TENM2: variants seen among roughly 807,000 people sequenced by gnomAD.
The protein encoded by TENM2 is teneurin-2.
In TENM2, 52 loss-of-function variants were observed where a neutral mutation model predicts 245.2. The ratio of observed to expected loss-of-function variants is 0.21; its 90% CI spans 0.17 to 0.27. TENM2 has a LOEUF of 0.27. Ranked by LOEUF, TENM2 falls within the 10% of genes least tolerant of loss-of-function variation. TENM2 has a pLI of 1.00. For missense variants in TENM2, 3,046 were observed against 3,666.8 expected (o/e 0.83, Z 4.37); for synonymous variants, 1,363 against 1,438.9 (o/e 0.95, Z 1.19).
intron 2 of TENM2, among the ~76,000 whole-genome samples, chr5:167,848,496 C>T (rs1288988815): frequency 6.6e-6 from 1 of 152,134 alleles, no homozygotes; most frequent in Non-Finnish European, 1.5e-5. Context: ...TATATACACA[C>T]ACATATATCT....
chr5:167,594,637 T>C (rs1021883431), intron 2 of TENM2, among the ~76,000 whole-genome samples: 11 of 152,206 alleles, frequency 7.2e-5, no homozygotes, highest in African/African-American at 2.2e-4. Flanking sequence ...AATTGAATGT[T>C]TGTAATGTAA....
At chr5:168,014,383 A>C (rs1218620828) in intron 5 of TENM2, among the ~76,000 whole-genome samples, 1 of 152,044 alleles carries the variant, frequency 6.6e-6, no homozygotes, top group Non-Finnish European at 1.5e-5. Context: ...TTAGTAAGTA[A>C]GAGGGCCAGG....
the TENM2 span, among the ~76,000 whole-genome samples, chr5:167,254,371 C>G: frequency 2.0e-5 from 3 of 152,262 alleles, no homozygotes; most frequent in Middle Eastern, 3.4e-3. Context: ...AGAGAAAGCA[C>G]TCTCCTCCCT....
At chr5:167,122,384 T>A in the TENM2 span, among the ~76,000 whole-genome samples, 1 of 152,192 alleles carries the variant, frequency 6.6e-6, no homozygotes, top group African/African-American at 2.4e-5. Context: ...CTGCCCCATT[T>A]GATATTTGCA....
chr5:167,448,629 C>T (rs189334437), intron 2 of TENM2, among the ~76,000 whole-genome samples: 3 of 150,638 alleles, frequency 2.0e-5, no homozygotes, highest in Admixed American at 1.3e-4. Context: ...TGCTGTCAGC[C>T]AACACATAGC....
chr5:167,240,679 C>T, the TENM2 span, among the ~76,000 whole-genome samples: 4 of 152,138 alleles, frequency 2.6e-5, no homozygotes, highest in South Asian at 2.1e-4. Context: ...TGGCTTTATC[C>T]TATGCTTGGC....
chr5:167,264,670 T>G, the TENM2 span, among the ~76,000 whole-genome samples: 1 of 152,160 alleles, frequency 6.6e-6, no homozygotes, highest in Admixed American at 6.5e-5. Flanking sequence ...AGTCAAGATA[T>G]TTTTATGCGT....
Position 168,199,777 on chromosome 5 carries a change from G to T in TENM2, c.3163-87G>T, listed in dbSNP as rs370567065. ...ACATAAGATGTGATGCCTCAGTGAG[G>T]GACATAGCAGACAGACAGTATCGGG... On this transcript the variant is annotated intron_variant, in intron 16 of 28. Transcript: ENST00000518659. The T allele has an allele frequency of 1.1e-5, 15 of 1,421,418 alleles. No homozygotes were observed. In the East Asian group the frequency reaches 2.1e-4, roughly 19 times the overall value. The allele number at this position is 1,421,418 out of a possible 1,614,324, so 88.1% of individuals were successfully genotyped here.
At chr5:168,242,053 A>T (rs1414937218) in intron 25 of TENM2, among the ~76,000 whole-genome samples, 3 of 152,246 alleles carry the variant, frequency 2.0e-5, no homozygotes, top group East Asian at 3.9e-4. Flanking sequence ...CACAAGGTAA[A>T]TGCTGGAGCT....
chr5:168,033,982 G>T (rs927628297), intron 5 of TENM2, among the ~76,000 whole-genome samples: 7 of 150,796 alleles, frequency 4.6e-5, no homozygotes, highest in Non-Finnish European at 8.8e-5. Context: ...AGCCAAGATC[G>T]CCCCACTGCA....
At chr5:167,327,926 A>G (rs551684583) in intron 1 of TENM2, among the ~76,000 whole-genome samples, 1 of 152,266 alleles carries the variant, frequency 6.6e-6, no homozygotes, top group African/African-American at 2.4e-5. Context: ...GATGTTTGTG[A>G]TGATATTGTA....
chr5:167,093,876 CA>C, the TENM2 span, among the ~76,000 whole-genome samples: 1 of 152,160 alleles, frequency 6.6e-6, no homozygotes, highest in Admixed American at 6.5e-5. Context: ...CCATAGCCAT[CA>C]AAAAGCTATA....
chr5:167,503,507 T>C lies in TENM2; in HGVS notation c.502+128034T>C, dbSNP rs553779873. On this transcript the variant is annotated intron_variant, in intron 2 of 28. Transcript: ENST00000518659. ...GTTAATCTAAATGTATGTGTCAGAA[T>C]AATGTCTTCCTTTTTTTTTTTTGGT... is the stretch of plus-strand genomic sequence containing the variant. Among the ~76,000 whole-genome samples the C allele has an allele frequency of 3.7e-5, 5 of 133,776 alleles. No individual in the cohort carries two copies. In the East Asian group the frequency reaches 8.9e-4, roughly 24 times the overall value. 87.8% of individuals were successfully genotyped at this position (133,776 alleles called of 152,430 possible).
At chr5:167,876,293 G>A in intron 3 of TENM2, 98 bp downstream of exon 5, 1 of 1,015,156 alleles carries the variant, frequency 9.9e-7, no homozygotes, top group Non-Finnish European at 1.5e-6. Flanking sequence ...GCTGGGGGAA[G>A]GTGGTGTGGG....
intron 3 of TENM2, among the ~76,000 whole-genome samples, chr5:167,913,864 T>G (rs541383312): frequency 6.2e-4 from 94 of 152,348 alleles, no homozygotes; most frequent in African/African-American, 2.2e-3. Flanking sequence ...TCTGTCTTCT[T>G]ATCAGTAAAA....
At chr5:167,813,007 A>G (rs968797251) in intron 2 of TENM2, among the ~76,000 whole-genome samples, 1 of 152,126 alleles carries the variant, frequency 6.6e-6, no homozygotes, top group African/African-American at 2.4e-5. Flanking sequence ...AGTTATACTC[A>G]TTTCCTTTCT....
the TENM2 span, among the ~76,000 whole-genome samples, chr5:167,002,795 T>C: frequency 7.9e-5 from 12 of 152,078 alleles, no homozygotes; most frequent in East Asian, 1.7e-3. Flanking sequence ...ATGATGATAA[T>C]AATAAATGAA....
intron 2 of TENM2, among the ~76,000 whole-genome samples, chr5:167,537,457 G>T (rs1771928071): frequency 6.6e-6 from 1 of 152,132 alleles, no homozygotes; most frequent in Non-Finnish European, 1.5e-5. Flanking sequence ...TCAAATTATT[G>T]TGTAAACTCT....
chr5:168,200,062 G>A (rs779246163), exon 17 of TENM2: 2 of 1,613,858 alleles, frequency 1.2e-6, no homozygotes, highest in Non-Finnish European at 8.5e-7. Context: ...TCCCAACCTG[G>A]CCTACACCTT....
Sources: gnomAD v4.1 joint callset for allele counts (sites outside exome capture counted in the v4.1 genomes callset) on GRCh38, gnomAD v4.1.1 for gene constraint, MANE v1.5 for transcripts, NCBI Gene and HGNC (gene_info 2026-07-23, HGNC 2026-07-21) for gene names.